The following PDE4D variants were observed in gnomAD, a reference collection of about 807,000 sequenced individuals.
PDE4D encodes 3',5'-cyclic-AMP phosphodiesterase 4D.
In PDE4D, 24 loss-of-function variants were observed where a neutral mutation model predicts 87.4. The observed-to-expected ratio is 0.27, with a 90% CI of 0.20 to 0.39. The LOEUF is 0.39. PDE4D is among the 10% of genes least tolerant of loss of function. PDE4D has a pLI of 1.00. For missense variants in PDE4D, 714 were observed against 1,041.0 expected, an observed-to-expected ratio of 0.69 and a Z score of 4.32; for synonymous variants, 384 against 383.2, an observed-to-expected ratio of 1.00 and a Z score of -0.02.
intron 1 of PDE4D, among the ~76,000 whole-genome samples, chr5:59,675,219 A>T (rs1001417369): frequency 6.6e-6 from 1 of 152,018 alleles, no homozygotes; most frequent in African/African-American, 2.4e-5. Context: ...TCAGAATACT[A>T]CTACTTTTGA....
intron 1 of PDE4D, among the ~76,000 whole-genome samples, chr5:59,343,232 G>A (rs1311712359): frequency 6.6e-6 from 1 of 151,954 alleles, no homozygotes; most frequent in Non-Finnish European, 1.5e-5. Context: ...TGTTCTTAAT[G>A]ATAGTCACCA....
At chr5:59,201,204 T>C (rs1747279106) in intron 2 of PDE4D, among the ~76,000 whole-genome samples, 1 of 152,142 alleles carries the variant, frequency 6.6e-6, no homozygotes, top group Admixed American at 6.5e-5. Context: ...AACATGCTTA[T>C]TTTAATTAAA....
At chr5:60,303,770 G>A (rs1257409540) in intron 1 of PDE4D, among the ~76,000 whole-genome samples, 1 of 152,196 alleles carries the variant, frequency 6.6e-6, no homozygotes, top group Non-Finnish European at 1.5e-5. Context: ...CGTATATTCT[G>A]TTGTTTTTAG....
chr5:59,581,263 T>C (rs891791732), intron 1 of PDE4D, among the ~76,000 whole-genome samples: 1 of 152,154 alleles, frequency 6.6e-6, no homozygotes, highest in Non-Finnish European at 1.5e-5. Flanking sequence ...AATAAAAAAC[T>C]GGTTGTTTAG....
At position 59,507,679 on chromosome 5, in the gene PDE4D, A is replaced by AAAAAAAGAAAAG. The variant is rs61334148; in HGVS notation, c.456-291712_456-291711insCTTTTCTTTTTT. On this transcript the variant is annotated intron_variant, in intron 1 of 14. Transcript: ENST00000340635. Reference sequence around the variant, plus strand: ...TACCCTGTCTCAAAAAAAAAAAAAAAAAAAGAAAAGAAAAGAAAAAAGAAA... The same window carrying AAAAAAAGAAAAG: ...TACCCTGTCTCAAAAAAAAAAAAAAAAAAAAAGAAAAGAAAAGAAAAGAAAAGAAAAAAGAAA... Among the ~76,000 whole-genome samples, 120 of 118,666 alleles carry AAAAAAAGAAAAG rather than the reference A, an allele frequency of 1.0e-3. 2 individuals carry two copies. The highest frequency in any genetic ancestry group is 7.8e-3 in the East Asian group (37 of 4,754). 77.8% of individuals were successfully genotyped at this position (118,666 alleles called of 152,430 possible).
intron 11 of PDE4D, among the ~76,000 whole-genome samples, chr5:58,979,511 T>C (rs1744603786): frequency 6.6e-6 from 1 of 152,150 alleles, no homozygotes; most frequent in African/African-American, 2.4e-5. Flanking sequence ...AATTGGGAGG[T>C]AGGAGTCTGC....
intron 1 of PDE4D, among the ~76,000 whole-genome samples, chr5:59,360,570 C>T (rs1782048307): frequency 6.6e-6 from 1 of 152,096 alleles, no homozygotes; most frequent in Non-Finnish European, 1.5e-5. Flanking sequence ...AACTAATATC[C>T]ATTCAGTACA....
chr5:59,809,134 C>T (rs918293083), intron 1 of PDE4D, among the ~76,000 whole-genome samples: 1 of 152,174 alleles, frequency 6.6e-6, no homozygotes, highest in African/African-American at 2.4e-5. Context: ...TAGTTGGCGC[C>T]TCTAACATAG....
intron 1 of PDE4D, among the ~76,000 whole-genome samples, chr5:59,744,581 TGA>T (rs1759333747): frequency 6.6e-6 from 1 of 152,132 alleles, no homozygotes; most frequent in Non-Finnish European, 1.5e-5. Context: ...TAAAATCTTC[TGA>T]GAGGAAGCTA....
chr5:60,021,576 C>T (rs1447268133), intron 2 of PDE4D, among the ~76,000 whole-genome samples: 1 of 152,120 alleles, frequency 6.6e-6, no homozygotes, highest in Admixed American at 6.6e-5. Flanking sequence ...GAAAATGACA[C>T]ATTTGAGGGT....
At chr5:59,930,026 G>A (rs575146712) in intron 3 of PDE4D, among the ~76,000 whole-genome samples, 1 of 152,008 alleles carries the variant, frequency 6.6e-6, no homozygotes, top group African/African-American at 2.4e-5. Flanking sequence ...ATTAAAAATC[G>A]GCCCCATCGC....
At chr5:59,137,601 G>A (rs1393617759) in intron 5 of PDE4D, among the ~76,000 whole-genome samples, 8 of 149,854 alleles carry the variant, frequency 5.3e-5, no homozygotes, top group Admixed American at 4.0e-4. Context: ...ATCTCAGCTC[G>A]CTGCAAGCTC....
In PDE4D at chr5:59,604,937, T is replaced by C. The variant is rs570680990; in HGVS notation, c.455+288231A>G. Among the ~76,000 whole-genome samples, 11 of 152,126 alleles carry C rather than the reference T, an allele frequency of 7.2e-5. 1 individual carries two copies. The South Asian group carries it at 2.3e-3, about 32-fold the overall frequency. On this transcript the variant is annotated intron_variant, in intron 1 of 14. Transcript: ENST00000340635. ...TATCCTACAAAAATGATTGCTCAAG[T>C]GCACACAAACATACACACACATACA...
intron 1 of PDE4D, among the ~76,000 whole-genome samples, chr5:59,631,276 C>T (rs1417756437): frequency 6.6e-6 from 1 of 152,036 alleles, no homozygotes; most frequent in Non-Finnish European, 1.5e-5. Flanking sequence ...CTAGTAAGTG[C>T]CAGAGAGTAG....
At chr5:59,105,981 C>T (rs1429295906) in intron 5 of PDE4D, among the ~76,000 whole-genome samples, 1 of 152,092 alleles carries the variant, frequency 6.6e-6, no homozygotes, top group Admixed American at 6.5e-5. Flanking sequence ...CCAGTTGCTC[C>T]AGAAGAAATT....
intron 1 of PDE4D, among the ~76,000 whole-genome samples, chr5:59,784,211 C>T (rs1218022501): frequency 6.7e-6 from 1 of 149,360 alleles, no homozygotes; most frequent in African/African-American, 2.5e-5. Flanking sequence ...CAAAGAGGTA[C>T]ATGTCTCTGA....
intron 1 of PDE4D, among the ~76,000 whole-genome samples, chr5:59,889,761 A>G (rs1750692801): frequency 1.3e-5 from 2 of 152,162 alleles, no homozygotes; most frequent in South Asian, 4.1e-4. Context: ...TGATATGTAC[A>G]TTTTTAAAGA....
chr5:59,931,694 C>CTTCT (rs1554116043), intron 3 of PDE4D, among the ~76,000 whole-genome samples: 6 of 126,596 alleles, frequency 4.7e-5, no homozygotes, highest in Admixed American at 2.6e-4. Context: ...TCTTCTTCTT[C>CTTCT]TTTTTTTTTT....
At chr5:60,430,612 G>A (rs1744162710) in intron 1 of PDE4D, 1 of 222,576 alleles carries the variant, frequency 4.5e-6, no homozygotes, top group Non-Finnish European at 8.8e-6. Context: ...CAGGGTCATA[G>A]GACAATAGTG....
Sources: allele counts gnomAD v4.1 joint callset (sites outside exome capture counted in the v4.1 genomes callset), GRCh38; gene constraint gnomAD v4.1.1; transcripts MANE v1.5; gene names NCBI Gene and HGNC (gene_info 2026-07-23, HGNC 2026-07-21).